PAN3: variants seen among roughly 807,000 people sequenced by gnomAD.
PAN3 encodes the protein poly(A) specific ribonuclease subunit PAN3.
PAN3 carries 19 observed loss-of-function variants against 96.2 expected under a neutral mutation model. The ratio of observed to expected loss-of-function variants is 0.20; its 90% CI spans 0.14 to 0.29. PAN3 has a LOEUF of 0.29. PAN3 is among the 10% of genes least tolerant of loss of function. The pLI is 1.00. For synonymous variants in PAN3, 433 were observed against 406.6 expected (o/e 1.06, Z -0.78); for missense variants, 882 against 1,108.1 (o/e 0.80, Z 2.90).
chr13:28,175,806 A>G (rs1283076431), intron 2 of PAN3, among the ~76,000 whole-genome samples: 1 of 152,226 alleles, frequency 6.6e-6, no homozygotes, highest in Non-Finnish European at 1.5e-5. Context: ...TTGTATTAAA[A>G]TTACCTCAGG....
intron 1 of PAN3, among the ~76,000 whole-genome samples, chr13:28,141,025 G>A (rs572014859): frequency 2.8e-4 from 25 of 87,990 alleles, no homozygotes; most frequent in African/African-American, 2.7e-3. Flanking sequence ...TTTTTTTTGA[G>A]ACGGAGGCTT....
intron 4 of PAN3, among the ~76,000 whole-genome samples, chr13:28,194,569 C>T (rs1469363037): frequency 1.0e-4 from 15 of 149,086 alleles, no homozygotes; most frequent in African/African-American, 3.2e-4. Flanking sequence ...CTCCCAGGTT[C>T]AAGCAATTCT....
intron 6 of PAN3, among the ~76,000 whole-genome samples, chr13:28,251,708 GT>G (rs1369487986): frequency 1.3e-5 from 2 of 152,064 alleles, no homozygotes; most frequent in Non-Finnish European, 2.9e-5. Context: ...AGCGGTTTTA[GT>G]TTCATTTTCT....
intron 5 of PAN3, among the ~76,000 whole-genome samples, chr13:28,208,462 TC>T (rs1475216738): frequency 6.6e-6 from 1 of 152,166 alleles, no homozygotes; most frequent in Non-Finnish European, 1.5e-5. Flanking sequence ...GTAAATAACT[TC>T]AGATTCTTTT....
intron 1 of PAN3, among the ~76,000 whole-genome samples, chr13:28,150,481 C>G (rs1391443210): frequency 6.6e-6 from 1 of 151,722 alleles, no homozygotes; most frequent in African/African-American, 2.4e-5. Flanking sequence ...AAAAATTAGC[C>G]AGGCGTGGTG....
intron 1 of PAN3, among the ~76,000 whole-genome samples, chr13:28,156,668 C>T (rs564299846): frequency 1.3e-5 from 2 of 152,256 alleles, no homozygotes; most frequent in Admixed American, 6.5e-5. Flanking sequence ...CAACAAAATA[C>T]TAGCAAACTG....
chr13:28,253,049 A>T (rs1884866877), intron 6 of PAN3, among the ~76,000 whole-genome samples: 2 of 152,200 alleles, frequency 1.3e-5, no homozygotes, highest in South Asian at 4.1e-4. Context: ...ATTACAGTGT[A>T]TCTGATGTAC....
intron 15 of PAN3, among the ~76,000 whole-genome samples, chr13:28,278,401 A>G (rs1406522051): frequency 6.6e-6 from 1 of 152,230 alleles, no homozygotes; most frequent in Non-Finnish European, 1.5e-5. Context: ...GCAAATACCT[A>G]GGATGCCTCA....
intron 1 of PAN3, among the ~76,000 whole-genome samples, chr13:28,139,514 TTGTGTGTGTGTGTGTG>T (rs10577740): frequency 3.2e-5 from 3 of 93,100 alleles, no homozygotes; most frequent in Non-Finnish European, 5.9e-5. Context: ...AGGGGTGTGT[TTGTGTGTGTGTGTGTG>T]TGTGTGTGTG....
intron 5 of PAN3, among the ~76,000 whole-genome samples, chr13:28,211,068 ATTT>A (rs540128849): frequency 6.8e-6 from 1 of 146,894 alleles, no homozygotes; most frequent in African/African-American, 2.5e-5. Flanking sequence ...ATTTAAAAAA[ATTT>A]TTTTTTTTTT....
At chr13:28,252,258 G>A (rs1319067308) in intron 6 of PAN3, among the ~76,000 whole-genome samples, 1 of 141,440 alleles carries the variant, frequency 7.1e-6, no homozygotes, top group East Asian at 2.1e-4. Context: ...TTATCTCACA[G>A]TTCTGTGTGT....
intron 1 of PAN3, among the ~76,000 whole-genome samples, chr13:28,148,950 G>A (rs1278133374): frequency 5.3e-5 from 8 of 152,012 alleles, no homozygotes; most frequent in Admixed American, 2.0e-4. Flanking sequence ...ACAAAGTTAT[G>A]TTTTAATGTA....
chr13:28,275,869 T>TC (rs1180886780), intron 14 of PAN3, among the ~76,000 whole-genome samples: 1 of 152,214 alleles, frequency 6.6e-6, no homozygotes, highest in African/African-American at 2.4e-5. Context: ...ACCTAATCAG[T>TC]CTGTCTCCTT....
intron 1 of PAN3, among the ~76,000 whole-genome samples, chr13:28,153,444 G>A (rs997831365): frequency 2.6e-5 from 4 of 151,842 alleles, no homozygotes; most frequent in Non-Finnish European, 5.9e-5. Flanking sequence ...TCACCATGTT[G>A]GCCAGGATGG....
chr13:28,151,969 A>G lies in PAN3; in HGVS notation c.430+12882A>G, dbSNP rs536651219. 6.4e-4 allele frequency among the ~76,000 whole-genome samples: 97 copies of G among 152,342 alleles called. 1 individual carries two copies. Among genetic ancestry groups the G allele is most frequent in the South Asian group, 3.5e-3 (17 of 4,826 alleles). ...CTTCAGTGTATACTTGGCATTTAAA[A>G]TCATGGAACTGTATGAGTTCACCAA... On this transcript the variant is annotated intron_variant, in intron 1 of 18. Transcript: ENST00000380958.
In PAN3 at chr13:28,278,285, G is replaced by A. The variant is rs575410292; in HGVS notation, c.2189+909G>A. Among the ~76,000 whole-genome samples the A allele has an allele frequency of 2.0e-5, 3 of 152,274 alleles. No individual in the cohort carries two copies. In the South Asian group the frequency reaches 6.2e-4, roughly 32 times the overall value. On this transcript the variant is annotated intron_variant, in intron 15 of 18. Coordinates refer to ENST00000380958, the MANE Select transcript of PAN3 (RefSeq NM_175854.8). The stretch of plus-strand genomic sequence containing the variant: ...CTTGTGACAGCACTAGAAGCCAGTG[G>A]TTGTCTGGATCCTATTCATAATCAA...
chr13:28,214,170 T>G (rs1377946787), intron 5 of PAN3, among the ~76,000 whole-genome samples: 2 of 152,242 alleles, frequency 1.3e-5, no homozygotes, highest in Admixed American at 6.5e-5. Context: ...GTACGTATTA[T>G]ATGCCCAAAT....
At chr13:28,145,900 A>G (rs1311473432) in intron 1 of PAN3, among the ~76,000 whole-genome samples, 1 of 147,818 alleles carries the variant, frequency 6.8e-6, no homozygotes. Context: ...CTGAGTAGCT[A>G]GGATTACAGG....
chr13:28,229,083 G>A (rs1250536004), intron 6 of PAN3, among the ~76,000 whole-genome samples: 5 of 152,154 alleles, frequency 3.3e-5, no homozygotes. Flanking sequence ...ACCCAAGCCT[G>A]GAAGTTTCTC....
Sources: gnomAD v4.1 joint callset for allele counts (sites outside exome capture counted in the v4.1 genomes callset) on GRCh38, gnomAD v4.1.1 for gene constraint, MANE v1.5 for transcripts, NCBI Gene and HGNC (gene_info 2026-07-23, HGNC 2026-07-21) for gene names.